Variants in AP3B2 observed in about 807,000 individuals in gnomAD.
AP3B2 encodes the protein AP-3 complex subunit beta-2.
A neutral mutation model predicts 126.9 loss-of-function variants in AP3B2; 50 were observed. The ratio of observed to expected loss-of-function variants is 0.39; its 90% CI spans 0.31 to 0.50. The LOEUF (loss-of-function observed/expected upper bound fraction) is 0.50, where lower values mean the gene tolerates loss of function less well. Ranked by LOEUF, AP3B2 falls within the 20% of genes least tolerant of loss-of-function variation. The pLI, the probability that AP3B2 is intolerant of heterozygous loss-of-function variation, is 0.79. For synonymous variants in AP3B2, 541 were observed against 565.0 expected (o/e 0.96, Z 0.60); for missense variants, 1,177 against 1,426.4 (o/e 0.83, Z 2.82).
chr15:82,702,439 G>T (rs895446729), intron 1 of AP3B2, among the ~76,000 whole-genome samples: 3 of 152,134 alleles, frequency 2.0e-5, no homozygotes, highest in Non-Finnish European at 2.9e-5. Context: ...TATATATCCA[G>T]ATGGCCTGAA....
At chr15:82,672,654 G>A (rs2048177125) in intron 14 of AP3B2, among the ~76,000 whole-genome samples, 1 of 152,114 alleles carries the variant, frequency 6.6e-6, no homozygotes, top group South Asian at 2.1e-4. Flanking sequence ...TTGAGAGGAT[G>A]GATACCCCAT....
At chr15:82,678,771 A>G (rs1432149544) in intron 10 of AP3B2, among the ~76,000 whole-genome samples, 2 of 152,092 alleles carry the variant, frequency 1.3e-5, no homozygotes, top group Non-Finnish European at 2.9e-5. Context: ...GTGGACTTTT[A>G]CATTTGCCTT....
In AP3B2 at chr15:82,675,542, C is replaced by T. The variant is rs1180258627; in HGVS notation, c.1665+919G>A. On this transcript the variant is annotated intron_variant, in intron 14 of 26. Coordinates refer to ENST00000535359, the MANE Select transcript of AP3B2 (RefSeq NM_001278512.2). Reference sequence around the variant, plus strand: ...CTATAAATCTGTAGACCCCAGCCACCTAGCCAGAGGTTTTGCTTCAAGGAT... The same window carrying T: ...CTATAAATCTGTAGACCCCAGCCACTTAGCCAGAGGTTTTGCTTCAAGGAT... Among the ~76,000 whole-genome samples the T allele has an allele frequency of 2.6e-5, 4 of 152,216 alleles. No individual in the cohort carries two copies. The East Asian group carries it at 7.7e-4, about 29-fold the overall frequency.
At chr15:82,666,306 T>G (rs2048056983) in intron 15 of AP3B2, among the ~76,000 whole-genome samples, 1 of 152,214 alleles carries the variant, frequency 6.6e-6, no homozygotes, top group Admixed American at 6.5e-5. Flanking sequence ...GCCTGGGATT[T>G]GGACTGACTG....
chr15:82,708,397 G>A (rs574648116), intron 1 of AP3B2, among the ~76,000 whole-genome samples: 2 of 152,154 alleles, frequency 1.3e-5, no homozygotes, highest in East Asian at 1.9e-4. Flanking sequence ...ATGGACGTGC[G>A]TGAAAATCCT....
rs79124727 is a variant in AP3B2, at chr15:82,667,718, C to T, written c.1666-785G>A. 2.0e-3 allele frequency among the ~76,000 whole-genome samples: 312 copies of T among 152,312 alleles called. 2 individuals are homozygous for T. Among genetic ancestry groups the T allele is most frequent in the Middle Eastern group, 3.4e-3 (1 of 294 alleles). The stretch of plus-strand genomic sequence containing the variant: ...CTCCACACTAGCTCATCTAATCTCC[C>T]CAAGCCTTCTGAGAAGTAGGCATTA... On this transcript the variant is annotated intron_variant, in intron 14 of 26. Coordinates refer to ENST00000535359, the MANE Select transcript of AP3B2 (RefSeq NM_001278512.2).
chr15:82,706,866 C>T (rs1175877744), intron 1 of AP3B2, among the ~76,000 whole-genome samples: 7 of 152,320 alleles, frequency 4.6e-5, no homozygotes, highest in Non-Finnish European at 8.8e-5. Context: ...TTCTACTACT[C>T]CTCAGGGATT....
intron 1 of AP3B2, among the ~76,000 whole-genome samples, chr15:82,691,325 A>G (rs2048528816): frequency 1.3e-5 from 2 of 152,162 alleles, no homozygotes; most frequent in Non-Finnish European, 2.9e-5. Flanking sequence ...ATGGTACCTC[A>G]TTGTGGTTTT....
Position 82,662,815 on chromosome 15 carries a change from A to C in AP3B2, c.2712T>G (p.Asp904Glu). ...GGATGTGCACGGACACCATGTGGGG[A>C]TCCCCGGAGAAAGGTTGGCGGCTGA... ...YTFSRQPFSGDPHMVSVHIHF... is the reference protein window; with the variant it reads ...YTFSRQPFSGEPHMVSVHIHF... Residue 904 changes from aspartate (D) to glutamate (E), a missense_variant, in exon 23 of 27, where the codon GAT (aspartate) becomes GAG (glutamate). Asp to Glu is a conservative substitution (Grantham distance 45). This residue lies in a region of AP3B2 where 587 missense variants were observed against 571.3 expected (regional missense o/e 1.03). Transcript: ENST00000535359. The C allele has an allele frequency of 6.2e-7, 1 of 1,613,752 alleles. No individual in the cohort carries two copies. Among genetic ancestry groups the C allele is most frequent in the Non-Finnish European group, 8.5e-7 (1 of 1,179,830 alleles).
chr15:82,689,274 G>C, intron 2 of AP3B2, 42 bp from the exon 3 acceptor site: 2 of 1,613,042 alleles, frequency 1.2e-6, no homozygotes, highest in Non-Finnish European at 1.7e-6. Flanking sequence ...GACAAAGCGA[G>C]AGGCACAGCA....
At chr15:82,675,537 G>A (rs923470676) in intron 14 of AP3B2, among the ~76,000 whole-genome samples, 4 of 152,182 alleles carry the variant, frequency 2.6e-5, no homozygotes, top group Non-Finnish European at 4.4e-5. Context: ...GTAGACCCCA[G>A]CCACCTAGCC....
intron 1 of AP3B2, chr15:82,691,635 C>T (rs538580329): frequency 5.5e-4 from 565 of 1,024,230 alleles, no homozygotes; most frequent in Non-Finnish European, 6.9e-4. Flanking sequence ...TTTCCTAAGA[C>T]GCTAAATCCT....
At chr15:82,659,787 C>G in intron 26 of AP3B2, 58 bp downstream of exon 26, 1 of 1,609,262 alleles carries the variant, frequency 6.2e-7, no homozygotes, top group Non-Finnish European at 8.5e-7. Flanking sequence ...AGCTGGGGCT[C>G]CTCCTTCAAA....
At chr15:82,679,827 C>T (rs1192689028) in intron 9 of AP3B2, 27 bp from the exon 10 acceptor site, 1 of 1,607,588 alleles carries the variant, frequency 6.2e-7, no homozygotes, top group East Asian at 2.2e-5. Flanking sequence ...AGCTAGGGAG[C>T]TCCACCGAAG....
intron 1 of AP3B2, among the ~76,000 whole-genome samples, chr15:82,698,968 C>T (rs2151458666): frequency 6.6e-6 from 1 of 152,300 alleles, no homozygotes; most frequent in Non-Finnish European, 1.5e-5. Context: ...CAGCCACCAC[C>T]TGAGGTGAGA....
rs771302379 is a variant in AP3B2, at chr15:82,709,707, G to A, written c.-1C>T. ...CGCTGTAGGCGGGGGCGGCCGACAT[G>A]GGGCGGCCAGGGAGACTTCGCCGAG... On this transcript the variant is annotated 5_prime_UTR_variant, in exon 1 of 27. Coordinates refer to ENST00000535359, the MANE Select transcript of AP3B2 (RefSeq NM_001278512.2). The A allele has an allele frequency of 2.7e-6, 4 of 1,480,234 alleles. No homozygotes were observed. The highest frequency in any genetic ancestry group is 2.5e-5 in the South Asian group (2 of 79,084). 91.7% of individuals were successfully genotyped at this position (1,480,234 alleles called of 1,614,324 possible).
intron 14 of AP3B2, among the ~76,000 whole-genome samples, chr15:82,668,442 A>G (rs2048094375): frequency 6.6e-6 from 1 of 152,214 alleles, no homozygotes; most frequent in African/African-American, 2.4e-5. Context: ...CAACATAGTC[A>G]ATTATCAAGA....
intron 13 of AP3B2, among the ~76,000 whole-genome samples, chr15:82,676,928 T>C (rs902326327): frequency 6.6e-6 from 1 of 152,262 alleles, no homozygotes; most frequent in Non-Finnish European, 1.5e-5. Context: ...CAGTACTTTA[T>C]TTCCATGTTA....
rs758742947 is a variant in AP3B2 at position 82,659,950 on chromosome 15, T to C, written c.3050A>G (p.Lys1017Arg). ...CCGACAGGTGTCTGGCAGCATGAGTTTCTCTGTGATCTCATTCATGCCCAT... is the reference window on the plus strand; with the variant it reads ...CCGACAGGTGTCTGGCAGCATGAGTCTCTCTGTGATCTCATTCATGCCCAT... ...KLMGMNEITE[K>R]LMLPDTCRSD... The change falls in exon 26 of 27, where the codon AAA becomes AGA. Residue 1017 changes from lysine (K) to arginine (R), a missense_variant. Physicochemically the swap from Lys to Arg is conservative, Grantham distance 26. Transcript: ENST00000535359. 9 of 1,613,914 alleles carry C rather than the reference T, an allele frequency of 5.6e-6. No individual in the cohort carries two copies. The East Asian group carries it at 2.0e-4, about 36-fold the overall frequency.
Sources: allele counts gnomAD v4.1 joint callset (sites outside exome capture counted in the v4.1 genomes callset), GRCh38; gene constraint gnomAD v4.1.1; regional missense constraint gnomAD v4.1.1; transcripts MANE v1.5; gene names NCBI Gene and HGNC (gene_info 2026-07-23, HGNC 2026-07-21).